RBFOX1: variants seen among roughly 807,000 people sequenced by gnomAD.
RBFOX1 encodes RNA binding fox-1 homolog 1, also known as RNA binding protein fox-1 homolog 1.
RBFOX1 carries 8 observed loss-of-function variants against 57.7 expected under a neutral mutation model. That is an observed-to-expected ratio of 0.14 (90% confidence interval 0.08 to 0.25). The LOEUF (loss-of-function observed/expected upper bound fraction) is 0.25, where lower values mean the gene tolerates loss of function less well. Ranked by LOEUF, RBFOX1 falls within the 10% of genes least tolerant of loss-of-function variation. The pLI, the probability that RBFOX1 is intolerant of heterozygous loss-of-function variation, is 1.00. For missense variants in RBFOX1, 611 were observed against 548.5 expected, an observed-to-expected ratio of 1.11 and a Z score of -1.14; for synonymous variants, 326 against 222.4, an observed-to-expected ratio of 1.47 and a Z score of -4.15.
chr16:5,570,311 C>G (rs371158612), intron 2 of RBFOX1, among the ~76,000 whole-genome samples: 3 of 152,212 alleles, frequency 2.0e-5, no homozygotes, highest in South Asian at 2.1e-4. Flanking sequence ...CCCTGAACCT[C>G]CATTCACTCA....
At chr16:7,239,948 A>G (rs1436843568) in intron 4 of RBFOX1, among the ~76,000 whole-genome samples, 10 of 152,100 alleles carry the variant, frequency 6.6e-5, no homozygotes. Context: ...AAAACTTCCT[A>G]CCTGTTGAAA....
intron 4 of RBFOX1, among the ~76,000 whole-genome samples, chr16:7,493,849 C>T (rs946868404): frequency 3.9e-5 from 6 of 152,174 alleles, no homozygotes; most frequent in African/African-American, 9.7e-5. Context: ...AACAATAGAA[C>T]GCTGATAAAA....
chr16:7,619,787 G>C (rs1030318611), intron 10 of RBFOX1, among the ~76,000 whole-genome samples: 2 of 151,944 alleles, frequency 1.3e-5, no homozygotes, highest in Non-Finnish European at 2.9e-5. Flanking sequence ...CCTAATCAGA[G>C]ATTGCAAACT....
chr16:7,598,746 A>G (rs1374336378), intron 9 of RBFOX1, among the ~76,000 whole-genome samples: 1 of 152,212 alleles, frequency 6.6e-6, no homozygotes, highest in Admixed American at 6.5e-5. Context: ...TGGGTTTTTT[A>G]ATAAATCTAT....
intron 4 of RBFOX1, among the ~76,000 whole-genome samples, chr16:7,442,882 T>C (rs916718102): frequency 3.9e-5 from 6 of 152,200 alleles, no homozygotes; most frequent in Admixed American, 1.3e-4. Context: ...AGGATTTATC[T>C]GAAAACTCCA....
intron 4 of RBFOX1, among the ~76,000 whole-genome samples, chr16:7,256,757 G>T (rs987147361): frequency 6.6e-6 from 1 of 152,122 alleles, no homozygotes; most frequent in Non-Finnish European, 1.5e-5. Flanking sequence ...TCAGTAATAC[G>T]GTTGTCCTGT....
chr16:6,338,501 A>G (rs1235075654), intron 2 of RBFOX1, among the ~76,000 whole-genome samples: 1 of 152,222 alleles, frequency 6.6e-6, no homozygotes, highest in Non-Finnish European at 1.5e-5. Context: ...TAGTTTGAAA[A>G]CTAACACAGT....
chr16:6,664,000 C>T (rs1213340750), intron 3 of RBFOX1, among the ~76,000 whole-genome samples: 1 of 152,182 alleles, frequency 6.6e-6, no homozygotes, highest in East Asian at 1.9e-4. Flanking sequence ...GTATTATGTC[C>T]TTTAATATAG....
chr16:6,049,202 T>C (rs1012103819), intron 1 of RBFOX1, among the ~76,000 whole-genome samples: 2 of 151,982 alleles, frequency 1.3e-5, no homozygotes, highest in Non-Finnish European at 2.9e-5. Context: ...TAGCTGGGAT[T>C]ACAGGTGCCC....
rs1404360881 is a variant in RBFOX1, at chr16:7,509,403, TG to T, written c.28-8743del. On this transcript the variant is annotated intron_variant, in intron 4 of 15. Transcript: ENST00000550418. ...AGGAGCCAAGCCCTGTGTGTGTGTG[TG>T]TGTGTGTGTGTGTGTGTGTGTGTGT... Among the ~76,000 whole-genome samples, 9 of 147,248 alleles carry T rather than the reference TG, an allele frequency of 6.1e-5. No homozygotes were observed. In the East Asian group the frequency reaches 9.8e-4, roughly 16 times the overall value.
In RBFOX1 at chr16:5,465,147, G is replaced by C. The variant is rs530884622; in HGVS notation, c.220-2069G>C. On this transcript the variant is annotated intron_variant, in intron 1 of 2. Coordinates refer to the RBFOX1 transcript ENST00000585867. ...TTAAACAGCAAATTTATTTCTCTCAGTTCTGGAGTCCAGAAGTCCAAGATC... is the reference window on the plus strand; with the variant it reads ...TTAAACAGCAAATTTATTTCTCTCACTTCTGGAGTCCAGAAGTCCAAGATC... Among the ~76,000 whole-genome samples, 3 of 152,186 alleles carry C rather than the reference G, an allele frequency of 2.0e-5. No individual in the cohort carries two copies. The East Asian group carries it at 5.8e-4, about 29-fold the overall frequency.
intron 1 of RBFOX1, among the ~76,000 whole-genome samples, chr16:5,423,200 A>T (rs371182279): frequency 6.6e-6 from 1 of 152,022 alleles, no homozygotes; most frequent in Non-Finnish European, 1.5e-5. Flanking sequence ...AGTCCCATGA[A>T]TATTTTCCTC....
At chr16:5,602,618 G>A (rs910505961), downstream of RBFOX1, among the ~76,000 whole-genome samples, 3 of 152,228 alleles carry the variant, frequency 2.0e-5, no homozygotes, top group African/African-American at 7.2e-5. Flanking sequence ...AGTGCAGAGA[G>A]ATGTCAGAAA....
intron 3 of RBFOX1, among the ~76,000 whole-genome samples, chr16:6,733,339 C>A (rs530586984): frequency 6.6e-6 from 1 of 152,158 alleles, no homozygotes; most frequent in Non-Finnish European, 1.5e-5. Flanking sequence ...GTCCTTCCAT[C>A]CTTCCATAAT....
intron 1 of RBFOX1, among the ~76,000 whole-genome samples, chr16:5,364,727 A>G (rs558424615): frequency 6.6e-6 from 1 of 152,320 alleles, no homozygotes; most frequent in South Asian, 2.1e-4. Flanking sequence ...AGTGAATAGA[A>G]CAAAGGTTGA....
chr16:6,981,042 CAAAAAAAAA>C (rs36117809), intron 3 of RBFOX1, among the ~76,000 whole-genome samples: 1 of 77,472 alleles, frequency 1.3e-5, no homozygotes, highest in African/African-American at 7.9e-5. Context: ...GTCTCAGTCT[CAAAAAAAAA>C]AAAAAAAACA....
In RBFOX1 at chr16:5,257,811, C is replaced by A. The variant is rs574679853; in HGVS notation, c.219+17706C>A. 2.0e-5 allele frequency among the ~76,000 whole-genome samples: 3 copies of A among 152,156 alleles called. No homozygotes were observed. In the East Asian group the frequency reaches 5.8e-4, roughly 29 times the overall value. On this transcript the variant is annotated intron_variant, in intron 1 of 2. Coordinates refer to the RBFOX1 transcript ENST00000585867. Reference sequence around the variant, plus strand: ...CGACTTCCTCTACTCTGCACCAAGCCGGGAGACGGTCAGATCTCAAAAAAA... The same window carrying A: ...CGACTTCCTCTACTCTGCACCAAGCAGGGAGACGGTCAGATCTCAAAAAAA...
chr16:7,615,761 T>A (rs1023419257), intron 10 of RBFOX1, among the ~76,000 whole-genome samples: 2 of 152,108 alleles, frequency 1.3e-5, no homozygotes, highest in African/African-American at 4.8e-5. Flanking sequence ...ACTGCTGACA[T>A]CTAGTGGGTG....
At chr16:7,406,810 T>C (rs1408627357) in intron 4 of RBFOX1, among the ~76,000 whole-genome samples, 1 of 152,252 alleles carries the variant, frequency 6.6e-6, no homozygotes, top group East Asian at 1.9e-4. Flanking sequence ...TTGAGGCTTC[T>C]GCAGGGCTGT....
Sources: allele counts gnomAD v4.1 joint callset (sites outside exome capture counted in the v4.1 genomes callset), GRCh38; gene constraint gnomAD v4.1.1; transcripts MANE v1.5; gene names NCBI Gene and HGNC (gene_info 2026-07-23, HGNC 2026-07-21).